The following MYO6 variants were observed in gnomAD, a reference collection of about 807,000 sequenced individuals.
The protein encoded by MYO6 is unconventional myosin-VI.
Under a neutral mutation model 178.7 loss-of-function variants are expected in MYO6, and 74 were observed. The observed-to-expected ratio is 0.41, with a 90% CI of 0.34 to 0.50. The LOEUF (loss-of-function observed/expected upper bound fraction) is 0.50, where lower values mean the gene tolerates loss of function less well. Ranked by LOEUF, MYO6 falls within the 20% of genes least tolerant of loss-of-function variation. The pLI, the probability that MYO6 is intolerant of heterozygous loss-of-function variation, is 0.09. For missense variants in MYO6, 1,330 were observed against 1,547.4 expected (o/e 0.86, Z 2.36); for synonymous variants, 477 against 504.6 (o/e 0.95, Z 0.73).
chr6:75,842,180 G>A (rs1774297732), intron 9 of MYO6, among the ~76,000 whole-genome samples: 1 of 150,416 alleles, frequency 6.6e-6, no homozygotes, highest in Admixed American at 6.7e-5. Context: ...AGATGTGGTG[G>A]GAAACGCACA....
At chr6:75,814,863 T>G (rs1283900257) in intron 1 of MYO6, among the ~76,000 whole-genome samples, 1 of 139,814 alleles carries the variant, frequency 7.2e-6, no homozygotes, top group African/African-American at 2.6e-5. Context: ...AGACCCAGTC[T>G]CAAAAAAAAA....
In MYO6 at chr6:75,833,548, G is replaced by A. The variant is rs556475748; in HGVS notation, c.497+601G>A. 7.0e-4 allele frequency among the ~76,000 whole-genome samples: 106 copies of A among 152,280 alleles called. 2 individuals carry two copies. The South Asian group carries it at 0.022, about 31-fold the overall frequency. ...TACTTTAGCTATTTCTCATGTAAGT[G>A]AAATTACACAGTATTTGTCTTTCTG... On this transcript the variant is annotated intron_variant, in intron 6 of 34. Coordinates refer to ENST00000369977, the MANE Select transcript of MYO6 (RefSeq NM_004999.4).
At chr6:75,790,365 A>G (rs913681220) in intron 1 of MYO6, among the ~76,000 whole-genome samples, 1 of 150,728 alleles carries the variant, frequency 6.6e-6, no homozygotes, top group Admixed American at 6.6e-5. Flanking sequence ...CAGAAATAGT[A>G]TCTCTCTCCT....
At chr6:75,812,511 T>C (rs1356926979) in intron 1 of MYO6, among the ~76,000 whole-genome samples, 1 of 152,210 alleles carries the variant, frequency 6.6e-6, no homozygotes. Flanking sequence ...TACTATTGAC[T>C]GTAGTCACCC....
chr6:75,876,533 A>G (rs1230945926), intron 20 of MYO6, among the ~76,000 whole-genome samples: 4 of 152,180 alleles, frequency 2.6e-5, no homozygotes, highest in South Asian at 2.1e-4. Context: ...TTTTTTCCCC[A>G]TTGGAATTCC....
chr6:75,762,442 G>C (rs1227534138), intron 1 of MYO6, among the ~76,000 whole-genome samples: 1 of 152,184 alleles, frequency 6.6e-6, no homozygotes, highest in Non-Finnish European at 1.5e-5. Flanking sequence ...CAGGTGGTCT[G>C]GCTCTAGAGT....
chr6:75,833,064 G>A lies in MYO6; in HGVS notation c.497+117G>A, dbSNP rs80295139. ...TGCAGTGTCACCACCACAGCTCACT[G>A]TAGCCTTGACCTCCTGGGCTCAAGC... On this transcript the variant is annotated intron_variant, in intron 6 of 34. Coordinates refer to ENST00000369977, the MANE Select transcript of MYO6 (RefSeq NM_004999.4). The A allele has an allele frequency of 2.5e-5, 18 of 734,526 alleles. No homozygotes were observed. The East Asian group carries it at 4.8e-4, about 20-fold the overall frequency. The allele number at this position is 734,526 out of a possible 1,614,324, so 45.5% of individuals were successfully genotyped here.
At position 75,840,543 on chromosome 6, in the gene MYO6, C is replaced by G. The variant is rs113249518; in HGVS notation, c.554-42C>G. 841 of 1,308,878 alleles carry G rather than the reference C, an allele frequency of 6.4e-4. 8 individuals are homozygous for G. The African/African-American group carries it at 0.01, about 16-fold the overall frequency. The allele number at this position is 1,308,878 out of a possible 1,614,324, so 81.1% of individuals were successfully genotyped here. A position where few individuals can be genotyped will look rare whatever the true frequency, so the allele number is the denominator to read the frequency against. On this transcript the variant is annotated intron_variant, in intron 7 of 34. Transcript: ENST00000369977. ...ATACCATGCATATTTTGTAATGTTC[C>G]GTCATGCTAATTTTTTGATGGATTT...
intron 25 of MYO6, 142 bp downstream of exon 25, chr6:75,887,136 T>A: frequency 1.3e-6 from 1 of 744,768 alleles, no homozygotes; most frequent in Non-Finnish European, 2.2e-6. Context: ...AAGTACATGC[T>A]CATCATTATT....
intron 30 of MYO6, among the ~76,000 whole-genome samples, chr6:75,904,861 G>A (rs1004034105): frequency 5.3e-5 from 8 of 152,146 alleles, no homozygotes; most frequent in African/African-American, 1.4e-4. Context: ...TTGTGGTTTT[G>A]TCTACTTTTG....
At chr6:75,874,784 C>T (rs1777439414) in intron 20 of MYO6, among the ~76,000 whole-genome samples, 1 of 152,200 alleles carries the variant, frequency 6.6e-6, no homozygotes, top group African/African-American at 2.4e-5. Context: ...CCTTTTCTCT[C>T]CAAGAATAGG....
chr6:75,903,815 C>T (rs1171605856), intron 30 of MYO6, among the ~76,000 whole-genome samples: 3 of 151,710 alleles, frequency 2.0e-5, no homozygotes, highest in Admixed American at 2.0e-4. Flanking sequence ...GCAGTTTCTT[C>T]CTAGTCTCGA....
intron 13 of MYO6, 44 bp from the exon 14 acceptor site, chr6:75,858,858 A>C (rs1420296754): frequency 9.0e-7 from 1 of 1,113,440 alleles, no homozygotes; most frequent in Non-Finnish European, 1.4e-6. Flanking sequence ...ATTTATATGA[A>C]GTTGATCTCA....
chr6:75,823,674 A>G (rs1424240587), intron 3 of MYO6, among the ~76,000 whole-genome samples: 1 of 152,240 alleles, frequency 6.6e-6, no homozygotes, highest in Non-Finnish European at 1.5e-5. Flanking sequence ...CCCCATATGT[A>G]GAATGGTGGC....
chr6:75,850,282 TA>T (rs960120359), intron 11 of MYO6, among the ~76,000 whole-genome samples: 1 of 151,770 alleles, frequency 6.6e-6, no homozygotes, highest in African/African-American at 2.4e-5. Flanking sequence ...AAAAGAAGAT[TA>T]AAAAAAGTGT....
Position 75,915,675 on chromosome 6 carries a change from A to T in MYO6, c.*663A>T, listed in dbSNP as rs1259635841. On this transcript the variant is annotated 3_prime_UTR_variant, in exon 35 of 35. Coordinates refer to ENST00000369977, the MANE Select transcript of MYO6 (RefSeq NM_004999.4). The stretch of plus-strand genomic sequence containing the variant: ...CAGCACAGATTTGCTTTTCTTTGCT[A>T]GCACAATGTGTGTTGCTGTCAGAAT... The T allele has an allele frequency of 6.5e-6, 1 of 152,798 alleles. No homozygotes were observed. Among genetic ancestry groups the T allele is most frequent in the Non-Finnish European group, 1.5e-5 (1 of 68,134 alleles). 9.5% of individuals were successfully genotyped at this position (152,798 alleles called of 1,614,324 possible). A position where few individuals can be genotyped will look rare whatever the true frequency, so the allele number is the denominator to read the frequency against.
At chr6:75,830,628 A>T in intron 5 of MYO6, 83 bp downstream of exon 5, 2 of 1,309,080 alleles carry the variant, frequency 1.5e-6, no homozygotes, top group East Asian at 2.5e-5. Context: ...GATTAATAAA[A>T]GATACCATAA....
chr6:75,772,218 T>TCA (rs1434806576), intron 1 of MYO6, among the ~76,000 whole-genome samples: 2 of 152,108 alleles, frequency 1.3e-5, no homozygotes, highest in Non-Finnish European at 2.9e-5. Context: ...TGTCTCCTGT[T>TCA]TGTCACAAAG....
Position 75,858,879 on chromosome 6 carries a change from T to G in MYO6, c.1382-23T>G, listed in dbSNP as rs1426274027. 3 of 1,414,798 alleles carry G rather than the reference T, an allele frequency of 2.1e-6. No individual in the cohort carries two copies. The African/African-American group carries it at 4.2e-5, about 20-fold the overall frequency. The allele number at this position is 1,414,798 out of a possible 1,614,324, so 87.6% of individuals were successfully genotyped here. On this transcript the variant is annotated intron_variant, in intron 13 of 34. Transcript: ENST00000369977. Reference sequence around the variant, plus strand: ...ATGAAGTTGATCTCATAATGACTCTTGGTTCTGGTTTTATATTTTCAGAGT... The same window carrying G: ...ATGAAGTTGATCTCATAATGACTCTGGGTTCTGGTTTTATATTTTCAGAGT...
Sources: allele counts gnomAD v4.1 joint callset (sites outside exome capture counted in the v4.1 genomes callset), GRCh38; gene constraint gnomAD v4.1.1; transcripts MANE v1.5; gene names NCBI Gene and HGNC (gene_info 2026-07-23, HGNC 2026-07-21).